SPTAN1: variants seen among roughly 807,000 people sequenced by gnomAD.
The protein encoded by SPTAN1 is spectrin alpha, non-erythrocytic 1.
A neutral mutation model predicts 331.3 loss-of-function variants in SPTAN1; 61 were observed. The ratio of observed to expected loss-of-function variants is 0.18; its 90% CI spans 0.15 to 0.23. SPTAN1 has a LOEUF of 0.23. Among genes scored for constraint, SPTAN1 ranks in the 10% least tolerant of loss-of-function variants. SPTAN1 has a pLI of 1.00. For synonymous variants in SPTAN1, 1,153 were observed against 1,173.9 expected, an observed-to-expected ratio of 0.98 and a Z score of 0.36; for missense variants, 2,043 against 3,147.9, an observed-to-expected ratio of 0.65 and a Z score of 8.40.
intron 1 of SPTAN1, among the ~76,000 whole-genome samples, chr9:128,566,440 G>A (rs1158583890): frequency 6.6e-6 from 1 of 152,138 alleles, no homozygotes; most frequent in African/African-American, 2.4e-5. Context: ...AGCCTTTGTA[G>A]AATTGACAGT....
chr9:128,578,490 G>A (rs572812215), intron 9 of SPTAN1, among the ~76,000 whole-genome samples: 96 of 152,264 alleles, frequency 6.3e-4, no homozygotes, highest in African/African-American at 2.2e-3. Flanking sequence ...AAGCTCTGGC[G>A]AGATAGAAGT....
Position 128,557,148 on chromosome 9 carries a change from C to T in SPTAN1, c.-4+4452C>T, listed in dbSNP as rs113106242. Among the ~76,000 whole-genome samples, 324 of 152,316 alleles carry T rather than the reference C, an allele frequency of 2.1e-3. 1 individual carries two copies. Among genetic ancestry groups the T allele is most frequent in the African/African-American group, 7.4e-3 (307 of 41,562 alleles). On this transcript the variant is annotated intron_variant, in intron 1 of 56. Coordinates refer to ENST00000372739, the MANE Select transcript of SPTAN1 (RefSeq NM_001130438.3). ...ATTTTTCCATAACCAAATGACCAAACGACCCGTTCATCCTGTTAGTCCCTA... is the reference window on the plus strand; with the variant it reads ...ATTTTTCCATAACCAAATGACCAAATGACCCGTTCATCCTGTTAGTCCCTA...
In SPTAN1 at chr9:128,632,604, A is replaced by G. The variant is rs746051866; in HGVS notation, c.7046A>G (p.Asn2349Ser). The G allele has an allele frequency of 6.2e-7, 1 of 1,614,030 alleles. No homozygotes were observed. Among genetic ancestry groups the G allele is most frequent in the Admixed American group, 1.7e-5 (1 of 60,024 alleles). Residue 2349 changes from asparagine to serine, a missense_variant, in exon 55 of 57, where the codon AAC (asparagine) becomes AGC (serine). Asn to Ser is a conservative substitution (Grantham distance 46, BLOSUM62 1). Around this residue, in one of 12 missense-constraint regions of SPTAN1, gnomAD observed 58 missense variants for 74.0 expected, o/e 0.78. Transcript: ENST00000372739. ...HFDKDKSGRL[N>S]HQEFKSCLRS... ...GACAAGGACAAGTCTGGCAGGCTGA[A>G]CCATCAGGAGTTCAAATCTTGCCTG...
chr9:128,629,507 G>A lies in SPTAN1; in HGVS notation c.6708-814G>A, dbSNP rs1035783973. ...GGGTTTTAAAAGGGTAGGTTGGGGTGAATGTGGGTACAGGGGAGCCTGGGC... is the reference window on the plus strand; with the variant it reads ...GGGTTTTAAAAGGGTAGGTTGGGGTAAATGTGGGTACAGGGGAGCCTGGGC... On this transcript the variant is annotated intron_variant, in intron 51 of 56. Coordinates refer to ENST00000372739, the MANE Select transcript of SPTAN1 (RefSeq NM_001130438.3). This position sits in a 1 kb window ranked among gnomAD's most constrained non-coding sequence, Gnocchi z 4.9. 7.2e-5 allele frequency among the ~76,000 whole-genome samples: 11 copies of A among 152,304 alleles called. No individual in the cohort carries two copies. Among genetic ancestry groups the A allele is most frequent in the African/African-American group, 1.4e-4 (6 of 41,578 alleles).
chr9:128,560,819 C>G (rs1456742760), intron 1 of SPTAN1, among the ~76,000 whole-genome samples: 20 of 150,916 alleles, frequency 1.3e-4, no homozygotes, highest in Non-Finnish European at 2.7e-4. Flanking sequence ...CAGTTCGAGA[C>G]CAGTCTGGCC....
chr9:128,602,278 G>A (rs978782630), intron 27 of SPTAN1, among the ~76,000 whole-genome samples: 9 of 148,494 alleles, frequency 6.1e-5, no homozygotes, highest in African/African-American at 1.5e-4. Context: ...GTGCAGTAAC[G>A]TGATCTCAGC....
intron 44 of SPTAN1, among the ~76,000 whole-genome samples, 157 bp downstream of exon 44, chr9:128,619,160 C>T (rs1345201693): frequency 6.6e-6 from 1 of 152,186 alleles, no homozygotes; most frequent in African/African-American, 2.4e-5. Flanking sequence ...CCCTCAAGAT[C>T]TCACACTAGG....
In SPTAN1 at chr9:128,618,932, G is replaced by A. The variant is rs1304148192; in HGVS notation, c.5662G>A (p.Glu1888Lys). The A allele has an allele frequency of 6.2e-7, 1 of 1,614,052 alleles. No homozygotes were observed. Among genetic ancestry groups the A allele is most frequent in the Non-Finnish European group, 8.5e-7 (1 of 1,180,010 alleles). The change falls in exon 44 of 57, where the codon GAA becomes AAA. Residue 1888 changes from glutamate (E) to lysine (K), a missense_variant. Around this residue, in one of 12 missense-constraint regions of SPTAN1, gnomAD observed 323 missense variants for 581.1 expected, o/e 0.56. Transcript: ENST00000372739. ...QQFVANVEEE[E>K]AWINEKMTLV... The stretch of plus-strand genomic sequence containing the variant: ...GTTTGTAGCCAATGTGGAAGAGGAA[G>A]AAGCCTGGATCAATGAGAAAATGAC...
chr9:128,633,594 G>A lies in SPTAN1; in HGVS notation c.*260G>A. The A allele has an allele frequency of 1.8e-6, 2 of 1,132,698 alleles. No homozygotes were observed. Among genetic ancestry groups the A allele is most frequent in the Non-Finnish European group, 1.3e-6 (1 of 789,584 alleles). The allele number at this position is 1,132,698 out of a possible 1,614,324, so 70.2% of individuals were successfully genotyped here. A position where few individuals can be genotyped will look rare whatever the true frequency, so the allele number is the denominator to read the frequency against. On this transcript the variant is annotated 3_prime_UTR_variant, in exon 57 of 57. Transcript: ENST00000372739. ...ATCGAAGCAGCTGGCTCCTCCCCTT[G>A]TTCTCTCTCCCACCCTCCCCCAAAT... is the stretch of plus-strand genomic sequence containing the variant.
intron 25 of SPTAN1, 131 bp downstream of exon 25, chr9:128,598,635 C>CT: frequency 1.2e-6 from 1 of 812,386 alleles, no homozygotes; most frequent in African/African-American, 1.7e-5. Flanking sequence ...GTCAGGTCCT[C>CT]TATGTGACCA....
intron 1 of SPTAN1, among the ~76,000 whole-genome samples, chr9:128,554,400 TATG>T (rs1848431844): frequency 6.6e-6 from 1 of 152,226 alleles, no homozygotes; most frequent in South Asian, 2.1e-4. Context: ...TGTCAAGCAA[TATG>T]ATGAAGAGGT....
intron 44 of SPTAN1, among the ~76,000 whole-genome samples, chr9:128,619,838 A>T (rs571036778): frequency 7.9e-5 from 12 of 152,210 alleles, no homozygotes; most frequent in Non-Finnish European, 1.8e-4. Context: ...AGCAGCACCC[A>T]TTTCTTACTT....
chr9:128,609,423 G>A, intron 36 of SPTAN1, 139 bp downstream of exon 36: 4 of 1,352,202 alleles, frequency 3.0e-6, no homozygotes. Flanking sequence ...CCCAGCCAGT[G>A]GGAAAGCCCT....
At chr9:128,608,466 A>G (rs1050936481) in intron 34 of SPTAN1, among the ~76,000 whole-genome samples, 190 bp downstream of exon 34, 4 of 151,746 alleles carry the variant, frequency 2.6e-5, no homozygotes, top group African/African-American at 9.7e-5. Flanking sequence ...GTGCCACAGG[A>G]AAAAAAAATA....
At chr9:128,621,394 C>T (rs776816439) in intron 45 of SPTAN1, 138 bp downstream of exon 45, 70 of 737,292 alleles carry the variant, frequency 9.5e-5, no homozygotes, top group Non-Finnish European at 1.5e-4. Context: ...CAATTCCATT[C>T]CTGTGTTTCG....
At chr9:128,606,497 T>TTG (rs1554756967) in intron 31 of SPTAN1, among the ~76,000 whole-genome samples, 1,937 of 134,138 alleles carry the variant, frequency 0.014, 30 homozygotes, top group South Asian at 0.066. Flanking sequence ...ATTTTTTTTT[T>TTG]GGGGGGGGAA....
intron 45 of SPTAN1, chr9:128,622,140 G>A (rs748281012): frequency 6.6e-5 from 10 of 152,116 alleles, no homozygotes; most frequent in African/African-American, 2.2e-4. Context: ...ATAAACTTGC[G>A]TGAAACTAAT....
At position 128,567,432 on chromosome 9, in the gene SPTAN1, C is replaced by T. The variant is rs544738830; in HGVS notation, c.237+455C>T. Reference sequence around the variant, plus strand: ...TCAGCCTCCCAGGTTGCTGGGATTACAGGCGCCTGCCACTGTGCCCAGCTA... The same window carrying T: ...TCAGCCTCCCAGGTTGCTGGGATTATAGGCGCCTGCCACTGTGCCCAGCTA... On this transcript the variant is annotated intron_variant, in intron 2 of 56. Transcript: ENST00000372739. Among the ~76,000 whole-genome samples, 3 of 152,156 alleles carry T rather than the reference C, an allele frequency of 2.0e-5. No individual in the cohort carries two copies. The South Asian group carries it at 6.2e-4, about 32-fold the overall frequency.
Position 128,607,924 on chromosome 9 carries a change from G to T in SPTAN1, c.4219G>T (p.Ala1407Ser), listed in dbSNP as rs2131616745. 10 of 1,614,060 alleles carry T rather than the reference G, an allele frequency of 6.2e-6. No individual in the cohort carries two copies. The highest frequency in any genetic ancestry group is 8.5e-6 in the Non-Finnish European group (10 of 1,180,028). The change falls in exon 33 of 57, where the codon GCT becomes TCT. Residue 1407 changes from alanine (A) to serine (S), a missense_variant. Around this residue, in one of 12 missense-constraint regions of SPTAN1, gnomAD observed 179 missense variants for 215.7 expected, o/e 0.83. Coordinates refer to ENST00000372739, the MANE Select transcript of SPTAN1 (RefSeq NM_001130438.3). ...TGAGCAGTTTGGACAGCAGCTGTTGGCTCACGGACACTATGCCAGCCCTGA... is the reference window on the plus strand; with the variant it reads ...TGAGCAGTTTGGACAGCAGCTGTTGTCTCACGGACACTATGCCAGCCCTGA... ...AFEQFGQQLL[A>S]HGHYASPEIK...
Sources: allele counts gnomAD v4.1 joint callset (sites outside exome capture counted in the v4.1 genomes callset), GRCh38; gene constraint gnomAD v4.1.1; regional missense constraint gnomAD v4.1.1; non-coding constraint Gnocchi (gnomAD v3.1); transcripts MANE v1.5; gene names NCBI Gene and HGNC (gene_info 2026-07-23, HGNC 2026-07-21).